The following CLNK variants were observed in gnomAD, a reference collection of about 807,000 sequenced individuals.
CLNK encodes cytokine-dependent hematopoietic cell linker.
In CLNK, 74 loss-of-function variants were observed where a neutral mutation model predicts 68.6. The observed-to-expected ratio is 1.08, with a 90% CI of 0.89 to 1.31. The LOEUF (loss-of-function observed/expected upper bound fraction) is 1.31, where lower values mean the gene tolerates loss of function less well. CLNK is among the 50% of genes most tolerant of loss of function. The probability of loss-of-function intolerance (pLI) is 0.00; values close to 1 mark genes in which losing one functional copy is unlikely to be tolerated. For missense variants in CLNK, 553 were observed against 515.3 expected (o/e 1.07, Z -0.71); for synonymous variants, 198 against 172.2 (o/e 1.15, Z -1.17).
intron 2 of CLNK, among the ~76,000 whole-genome samples, chr4:10,616,048 T>A (rs764023161): frequency 2.2e-4 from 34 of 152,242 alleles, no homozygotes; most frequent in Non-Finnish European, 3.7e-4. Flanking sequence ...TATAAAATTA[T>A]AATTGACAAA....
chr4:10,690,646 G>A, the CLNK span, among the ~76,000 whole-genome samples: 5 of 152,150 alleles, frequency 3.3e-5, no homozygotes, highest in Admixed American at 6.5e-5. Context: ...CTATAATTGT[G>A]CTAGGCACTT....
intron 15 of CLNK, among the ~76,000 whole-genome samples, chr4:10,520,072 TTCC>T: frequency 6.6e-6 from 1 of 151,838 alleles, no homozygotes; most frequent in Non-Finnish European, 1.5e-5. Context: ...CAAAGAGAGA[TTCC>T]AGTGCTAGAT....
At chr4:10,598,743 C>T (rs1035045721) in intron 2 of CLNK, 4 of 395,634 alleles carry the variant, frequency 1.0e-5, no homozygotes, top group South Asian at 3.6e-5. Flanking sequence ...TAATCAGCCA[C>T]GTTTCCCACA....
intron 2 of CLNK, among the ~76,000 whole-genome samples, chr4:10,598,306 T>C (rs891506287): frequency 6.6e-6 from 1 of 152,230 alleles, no homozygotes; most frequent in East Asian, 1.9e-4. Context: ...GAAATGCCCA[T>C]TCAAGACAAG....
At chr4:10,615,114 A>T (rs1160821418) in intron 2 of CLNK, among the ~76,000 whole-genome samples, 3 of 152,114 alleles carry the variant, frequency 2.0e-5, no homozygotes, top group African/African-American at 7.2e-5. Flanking sequence ...TGGACCCAGA[A>T]GGTGGAGGTC....
At chr4:10,670,676 T>A (rs1724591311) in intron 1 of CLNK, among the ~76,000 whole-genome samples, 1 of 151,940 alleles carries the variant, frequency 6.6e-6, no homozygotes, top group Admixed American at 6.6e-5. Flanking sequence ...GCCAAATAGG[T>A]CTTTTTCAGC....
chr4:10,495,591 A>G (rs1328025065), intron 18 of CLNK, among the ~76,000 whole-genome samples: 1 of 152,222 alleles, frequency 6.6e-6, no homozygotes, highest in East Asian at 1.9e-4. Context: ...TCCTAATCCC[A>G]GAATCTGGAA....
At chr4:10,529,612 G>C (rs1226427260) in intron 12 of CLNK, among the ~76,000 whole-genome samples, 2 of 152,160 alleles carry the variant, frequency 1.3e-5, no homozygotes, top group Admixed American at 6.5e-5. Flanking sequence ...AAATCTATAG[G>C]CTAAGTAAAA....
chr4:10,586,112 AG>A (rs1194154366), intron 3 of CLNK, among the ~76,000 whole-genome samples: 2 of 151,936 alleles, frequency 1.3e-5, no homozygotes, highest in African/African-American at 4.8e-5. Flanking sequence ...CAGGAGACAA[AG>A]CTTAGGCGAT....
intron 2 of CLNK, among the ~76,000 whole-genome samples, chr4:10,622,066 T>A (rs1028516834): frequency 2.0e-5 from 3 of 152,196 alleles, no homozygotes; most frequent in African/African-American, 7.2e-5. Flanking sequence ...GCTTAGAGAC[T>A]AAGAAAAAAG....
At position 10,558,055 on chromosome 4, in the gene CLNK, T is replaced by A. The variant is rs117202670; in HGVS notation, c.445+352A>T. Reference sequence around the variant, plus strand: ...ATCTGTTTTCATATTAATTAATCAATGTTTTAAAATTAGATTTCTATCTTG... The same window carrying A: ...ATCTGTTTTCATATTAATTAATCAAAGTTTTAAAATTAGATTTCTATCTTG... On this transcript the variant is annotated intron_variant, in intron 8 of 18. Transcript: ENST00000226951. Among the ~76,000 whole-genome samples the A allele has an allele frequency of 2.2e-4, 34 of 152,362 alleles. No individual in the cohort carries two copies. The East Asian group carries it at 6.2e-3, about 28-fold the overall frequency.
intron 2 of CLNK, among the ~76,000 whole-genome samples, chr4:10,655,423 A>G (rs1723938288): frequency 6.6e-6 from 1 of 151,908 alleles, no homozygotes; most frequent in African/African-American, 2.4e-5. Flanking sequence ...GAAAGAGCAG[A>G]CATTCAAGAG....
intron 2 of CLNK, among the ~76,000 whole-genome samples, chr4:10,632,123 A>G (rs1244832476): frequency 6.6e-6 from 1 of 152,192 alleles, no homozygotes; most frequent in Non-Finnish European, 1.5e-5. Context: ...TTAACATTCA[A>G]AACTCCATCT....
intron 2 of CLNK, among the ~76,000 whole-genome samples, chr4:10,602,173 C>CA (rs944602634): frequency 6.6e-6 from 1 of 152,206 alleles, no homozygotes; most frequent in Non-Finnish European, 1.5e-5. Flanking sequence ...AGTCCTCCTT[C>CA]ACATTTTCCT....
chr4:10,728,433 A>G, the CLNK span, among the ~76,000 whole-genome samples: 1 of 151,148 alleles, frequency 6.6e-6, no homozygotes, highest in African/African-American at 2.4e-5. Context: ...AGCATTTATA[A>G]TAGTTGACCT....
At chr4:10,565,590 T>C (rs1720075640) in intron 6 of CLNK, among the ~76,000 whole-genome samples, 1 of 152,222 alleles carries the variant, frequency 6.6e-6, no homozygotes, top group Non-Finnish European at 1.5e-5. Flanking sequence ...GTCTTTTTTT[T>C]TTCATTCTAC....
intron 2 of CLNK, among the ~76,000 whole-genome samples, chr4:10,647,349 T>C (rs950595115): frequency 3.9e-5 from 6 of 152,184 alleles, no homozygotes; most frequent in Admixed American, 6.5e-5. Flanking sequence ...TCTATATTAT[T>C]ACTTTTTATG....
At chr4:10,531,057 A>G (rs964127696) in intron 12 of CLNK, among the ~76,000 whole-genome samples, 2 of 152,246 alleles carry the variant, frequency 1.3e-5, no homozygotes, top group Admixed American at 1.3e-4. Context: ...TAACATTCTC[A>G]TAAAACCAAC....
At chr4:10,521,496 C>A (rs1487678570) in intron 14 of CLNK, among the ~76,000 whole-genome samples, 5 of 152,194 alleles carry the variant, frequency 3.3e-5, no homozygotes, top group Admixed American at 6.5e-5. Flanking sequence ...CCAGGTGCTA[C>A]CACAGTTAAA....
Sources: gnomAD v4.1 joint callset for allele counts (sites outside exome capture counted in the v4.1 genomes callset) on GRCh38, gnomAD v4.1.1 for gene constraint, MANE v1.5 for transcripts, NCBI Gene and HGNC (gene_info 2026-07-23, HGNC 2026-07-21) for gene names.